The following TPRG1 variants were observed in gnomAD, a reference collection of about 807,000 sequenced individuals.
TPRG1 encodes tumor protein p63-regulated gene 1 protein.
In TPRG1, 29 loss-of-function variants were observed where a neutral mutation model predicts 29.3. That is an observed-to-expected ratio of 0.99 (90% confidence interval 0.74 to 1.35). The LOEUF is 1.35. Ranked by LOEUF, TPRG1 falls within the 40% of genes most tolerant of loss-of-function variation. The probability of loss-of-function intolerance (pLI) is 0.00; values close to 1 mark genes in which losing one functional copy is unlikely to be tolerated. For missense variants in TPRG1, 327 were observed against 335.0 expected (o/e 0.98, Z 0.19); for synonymous variants, 130 against 116.8 (o/e 1.11, Z -0.73).
At chr3:189,230,015 A>C (rs1738385475) in intron 3 of TPRG1, among the ~76,000 whole-genome samples, 1 of 152,154 alleles carries the variant, frequency 6.6e-6, no homozygotes, top group Non-Finnish European at 1.5e-5. Flanking sequence ...TTCTCCTGCC[A>C]GCTTCCTTGG....
chr3:189,221,822 G>A (rs1166844463), intron 3 of TPRG1, among the ~76,000 whole-genome samples: 1 of 152,190 alleles, frequency 6.6e-6, no homozygotes, highest in Non-Finnish European at 1.5e-5. Flanking sequence ...AGGGACTATT[G>A]GCTTTATTTT....
intron 3 of TPRG1, among the ~76,000 whole-genome samples, chr3:189,023,195 G>A (rs576711431): frequency 1.3e-4 from 20 of 152,300 alleles, no homozygotes; most frequent in African/African-American, 4.6e-4. Context: ...CTTCTGCGTC[G>A]CTCACGCTGG....
chr3:189,190,318 G>C (rs1276525888), intron 1 of TPRG1, among the ~76,000 whole-genome samples: 1 of 152,140 alleles, frequency 6.6e-6, no homozygotes, highest in Non-Finnish European at 1.5e-5. Flanking sequence ...ATGTTCACAG[G>C]TGATGTGGGC....
chr3:189,100,758 C>T (rs1323271362), intron 1 of TPRG1, among the ~76,000 whole-genome samples: 1 of 152,176 alleles, frequency 6.6e-6, no homozygotes, highest in Non-Finnish European at 1.5e-5. Context: ...GCTTGGATAG[C>T]CTTCTTGACC....
At chr3:189,240,798 A>G (rs762840515) in intron 4 of TPRG1, among the ~76,000 whole-genome samples, 1 of 151,314 alleles carries the variant, frequency 6.6e-6, no homozygotes, top group African/African-American at 2.4e-5. Context: ...ATGCCTATAC[A>G]CGTTTAAAAG....
At chr3:189,247,172 C>T (rs878880834) in intron 4 of TPRG1, among the ~76,000 whole-genome samples, 1 of 151,882 alleles carries the variant, frequency 6.6e-6, no homozygotes, top group Non-Finnish European at 1.5e-5. Flanking sequence ...TGTGACTTAT[C>T]TTCAAATTGG....
intron 4 of TPRG1, among the ~76,000 whole-genome samples, chr3:189,240,846 C>T (rs1398055521): frequency 6.6e-6 from 1 of 152,094 alleles, no homozygotes; most frequent in Non-Finnish European, 1.5e-5. Context: ...TATTATTTTA[C>T]CTAATGAAAG....
intron 4 of TPRG1, among the ~76,000 whole-genome samples, chr3:189,060,159 G>C (rs1396033745): frequency 6.6e-6 from 1 of 152,180 alleles, no homozygotes; most frequent in East Asian, 1.9e-4. Flanking sequence ...TTGAACCTGG[G>C]AGGCAGAGGT....
intron 2 of TPRG1, among the ~76,000 whole-genome samples, chr3:189,127,680 G>A (rs1410394081): frequency 6.6e-6 from 1 of 152,144 alleles, no homozygotes; most frequent in South Asian, 2.1e-4. Context: ...TGGAGATTCA[G>A]AGAAAAACAA....
chr3:189,111,054 T>C (rs1028819869), intron 1 of TPRG1, among the ~76,000 whole-genome samples: 1 of 151,948 alleles, frequency 6.6e-6, no homozygotes, highest in African/African-American at 2.4e-5. Flanking sequence ...AGCTATTCTT[T>C]TTTCTCTGCC....
At position 189,322,400 on chromosome 3, in the gene TPRG1, C is replaced by T. The variant is rs1370833334; in HGVS notation, c.*1580C>T. On this transcript the variant is annotated 3_prime_UTR_variant, in exon 6 of 6. Transcript: ENST00000345063. The stretch of plus-strand genomic sequence containing the variant: ...TTTTTTTTTCTTTCCCTCTCTTCCG[C>T]CTTTACAGCACCCACTTTTTCTTCC... 5.3e-5 allele frequency: 8 copies of T among 152,328 alleles called. No individual in the cohort carries two copies. The Admixed American group carries it at 5.3e-4, about 10-fold the overall frequency. 9.4% of individuals were successfully genotyped at this position (152,328 alleles called of 1,614,324 possible).
chr3:189,032,215 GA>G (rs1304840140), intron 4 of TPRG1, among the ~76,000 whole-genome samples: 1 of 152,180 alleles, frequency 6.6e-6, no homozygotes, highest in Admixed American at 6.5e-5. Context: ...AGTCAGAAAA[GA>G]AAATGTGATG....
intron 1 of TPRG1, among the ~76,000 whole-genome samples, chr3:189,119,655 T>C (rs779622815): frequency 2.0e-5 from 3 of 152,218 alleles, no homozygotes; most frequent in Non-Finnish European, 4.4e-5. Flanking sequence ...TCATGAGATC[T>C]GATGGTTTAT....
intron 1 of TPRG1, among the ~76,000 whole-genome samples, chr3:189,201,808 G>A (rs148786890): frequency 0.021 from 3,247 of 152,014 alleles, 113 homozygotes; most frequent in African/African-American, 0.073. Flanking sequence ...CTGCCACCAC[G>A]CCTGGCTAAT....
At chr3:189,166,512 T>C (rs1248341926) in intron 5 of TPRG1, among the ~76,000 whole-genome samples, 2 of 152,166 alleles carry the variant, frequency 1.3e-5, no homozygotes, top group Non-Finnish European at 2.9e-5. Context: ...TGCATAAGGG[T>C]ATACTTGACC....
intron 4 of TPRG1, among the ~76,000 whole-genome samples, chr3:189,253,181 G>A (rs1038813916): frequency 6.6e-6 from 1 of 152,052 alleles, no homozygotes; most frequent in Admixed American, 6.6e-5. Context: ...TTCTCTTAAT[G>A]CTATCCCTCC....
chr3:189,221,890 GT>G (rs1188976093), intron 3 of TPRG1, among the ~76,000 whole-genome samples: 1 of 152,178 alleles, frequency 6.6e-6, no homozygotes, highest in Non-Finnish European at 1.5e-5. Context: ...CTTATTAAGG[GT>G]CACAGGAGGG....
Position 189,209,433 on chromosome 3 carries a change from A to C in TPRG1, c.210+1839A>C, listed in dbSNP as rs190577354. 3.3e-5 allele frequency among the ~76,000 whole-genome samples: 5 copies of C among 152,318 alleles called. No individual in the cohort carries two copies. In the East Asian group the frequency reaches 5.8e-4, roughly 18 times the overall value. ...AGAAAATGTAGTTTCAGCTCAGCTA[A>C]ATTGACAGAGTCCAAATCCACTACA... On this transcript the variant is annotated intron_variant, in intron 2 of 5. Coordinates refer to ENST00000345063, the MANE Select transcript of TPRG1 (RefSeq NM_198485.4).
chr3:189,049,097 G>A (rs1402689689), intron 4 of TPRG1, among the ~76,000 whole-genome samples: 2 of 152,148 alleles, frequency 1.3e-5, no homozygotes, highest in Non-Finnish European at 2.9e-5. Flanking sequence ...GAATTCTCTA[G>A]CTGAACTTTG....
Sources: allele counts gnomAD v4.1 joint callset (sites outside exome capture counted in the v4.1 genomes callset), GRCh38; gene constraint gnomAD v4.1.1; transcripts MANE v1.5; gene names NCBI Gene and HGNC (gene_info 2026-07-23, HGNC 2026-07-21).